Variants in SEMA3C observed in about 807,000 individuals in gnomAD.
SEMA3C encodes semaphorin 3C.
In SEMA3C, 47 loss-of-function variants were observed where a neutral mutation model predicts 89.4. That is an observed-to-expected ratio of 0.53 (90% CI 0.42 to 0.67). The LOEUF is 0.67. Ranked by LOEUF, SEMA3C falls within the 30% of genes least tolerant of loss-of-function variation. The probability of loss-of-function intolerance (pLI) is 0.00; values close to 1 mark genes in which losing one functional copy is unlikely to be tolerated. For synonymous variants in SEMA3C, 310 were observed against 320.2 expected, an observed-to-expected ratio of 0.97 and a Z score of 0.34; for missense variants, 839 against 929.1, an observed-to-expected ratio of 0.90 and a Z score of 1.26.
At position 80,827,419 on chromosome 7, in the gene SEMA3C, A is replaced by C. The variant is rs1379530833; in HGVS notation, c.327+6T>G. ...TTTTTTTTTTTTTTTTTTTTTTAAC[A>C]CTTACTGTGGGATCTTTGCCAGCCA... On this transcript the variant is annotated splice_donor_region_variant and intron_variant, in intron 4 of 17. Transcript: ENST00000265361. The C allele has an allele frequency of 2.0e-6, 3 of 1,492,134 alleles. No individual in the cohort carries two copies. Among genetic ancestry groups the C allele is most frequent in the Admixed American group, 2.4e-5 (1 of 42,020 alleles). 92.4% of individuals were successfully genotyped at this position (1,492,134 alleles called of 1,614,324 possible).
At chr7:80,834,184 C>T (rs939002383) in intron 2 of SEMA3C, among the ~76,000 whole-genome samples, 7 of 152,168 alleles carry the variant, frequency 4.6e-5, no homozygotes, top group African/African-American at 1.7e-4. Flanking sequence ...CTGGGAAAAT[C>T]TCCCAGGAAA....
chr7:80,902,955 T>C (rs538841159), intron 2 of SEMA3C, among the ~76,000 whole-genome samples: 1 of 152,176 alleles, frequency 6.6e-6, no homozygotes, highest in Non-Finnish European at 1.5e-5. Flanking sequence ...GGTAAGAGCA[T>C]AAGCCCGCTG....
chr7:80,821,676 G>A (rs888582533), intron 4 of SEMA3C, among the ~76,000 whole-genome samples: 1 of 151,362 alleles, frequency 6.6e-6, no homozygotes, highest in South Asian at 2.1e-4. Context: ...TAACTTTTTA[G>A]TTTTTGTAAC....
chr7:80,806,628 C>T (rs1297480730), intron 6 of SEMA3C, among the ~76,000 whole-genome samples: 1 of 151,934 alleles, frequency 6.6e-6, no homozygotes, highest in East Asian at 1.9e-4. Flanking sequence ...TTTGAAGATC[C>T]ATATTACTTT....
chr7:80,876,051 G>A (rs908467264), intron 2 of SEMA3C, among the ~76,000 whole-genome samples: 1 of 152,068 alleles, frequency 6.6e-6, no homozygotes, highest in East Asian at 1.9e-4. Context: ...TTTGTGGGTG[G>A]AAGATGTGAA....
At chr7:80,864,955 C>T (rs1398491228) in intron 2 of SEMA3C, among the ~76,000 whole-genome samples, 2 of 152,154 alleles carry the variant, frequency 1.3e-5, no homozygotes, top group African/African-American at 4.8e-5. Flanking sequence ...GTTTTTCCAG[C>T]TCTCCTCACA....
At chr7:80,832,835 T>C (rs1485037072) in intron 2 of SEMA3C, among the ~76,000 whole-genome samples, 1 of 152,160 alleles carries the variant, frequency 6.6e-6, no homozygotes, top group Non-Finnish European at 1.5e-5. Context: ...AAGAAATCCT[T>C]GCAGTTTTTA....
At chr7:80,813,656 A>G (rs957978535) in intron 5 of SEMA3C, among the ~76,000 whole-genome samples, 6 of 152,136 alleles carry the variant, frequency 3.9e-5, no homozygotes, top group African/African-American at 9.7e-5. Context: ...TCGTCTTTTT[A>G]GGCACCTTAG....
At chr7:80,792,999 T>C (rs1489558378) in intron 11 of SEMA3C, among the ~76,000 whole-genome samples, 1 of 152,236 alleles carries the variant, frequency 6.6e-6, no homozygotes, top group Non-Finnish European at 1.5e-5. Context: ...ATAACATCTA[T>C]GTGCTAACGT....
At chr7:80,791,060 G>T (rs890026476) in intron 11 of SEMA3C, among the ~76,000 whole-genome samples, 1 of 152,024 alleles carries the variant, frequency 6.6e-6, no homozygotes, top group African/African-American at 2.4e-5. Flanking sequence ...CTCAATTCTG[G>T]CCAGGAGGGA....
At chr7:80,883,641 A>G (rs1791404783) in intron 2 of SEMA3C, among the ~76,000 whole-genome samples, 1 of 152,196 alleles carries the variant, frequency 6.6e-6, no homozygotes, top group African/African-American at 2.4e-5. Flanking sequence ...TGACTCACCC[A>G]TGCTTCTTGC....
rs139888032 is a variant in SEMA3C at position 80,771,070 on chromosome 7, G to A, written c.1355-5827C>T. ...TTTTGTTTTAAGTAGTCTGAGTAAG[G>A]TGTGTGGTCACTTTCAGTTGAAAGA... On this transcript the variant is annotated intron_variant, in intron 12 of 17. Transcript: ENST00000265361. 2.9e-3 allele frequency among the ~76,000 whole-genome samples: 443 copies of A among 152,350 alleles called. 1 individual carries two copies. Among genetic ancestry groups the A allele is most frequent in the African/African-American group, 9.6e-3 (398 of 41,584 alleles).
intron 7 of SEMA3C, among the ~76,000 whole-genome samples, chr7:80,804,454 T>C (rs1789289464): frequency 6.6e-6 from 1 of 152,164 alleles, no homozygotes. Flanking sequence ...GCAGGAAATG[T>C]GAAAATTATT....
intron 2 of SEMA3C, among the ~76,000 whole-genome samples, chr7:80,905,424 T>C (rs1791991222): frequency 1.3e-5 from 2 of 151,882 alleles, no homozygotes; most frequent in African/African-American, 4.8e-5. Context: ...GGATTTAATT[T>C]GACGATTAGA....
At chr7:80,758,044 T>G (rs10233114) in intron 15 of SEMA3C, among the ~76,000 whole-genome samples, 9,967 of 152,202 alleles carry the variant, frequency 0.065, 649 homozygotes, top group African/African-American at 0.16. Flanking sequence ...AAATGCTACT[T>G]GAAATATTTG....
intron 2 of SEMA3C, among the ~76,000 whole-genome samples, chr7:80,872,402 C>G (rs1311593374): frequency 2.0e-5 from 3 of 152,132 alleles, no homozygotes; most frequent in African/African-American, 7.2e-5. Flanking sequence ...AACCATCCAC[C>G]TCAGCCTCCC....
At chr7:80,755,388 C>T (rs1788042349) in intron 15 of SEMA3C, among the ~76,000 whole-genome samples, 5 of 147,144 alleles carry the variant, frequency 3.4e-5, no homozygotes, top group Admixed American at 2.8e-4. Context: ...ATCTAGTATG[C>T]AATGACAGTC....
chr7:80,838,311 T>C (rs1355637339), intron 2 of SEMA3C, among the ~76,000 whole-genome samples: 2 of 152,142 alleles, frequency 1.3e-5, no homozygotes, highest in African/African-American at 4.8e-5. Context: ...AATGAGAATA[T>C]TTTGGAACCA....
intron 2 of SEMA3C, among the ~76,000 whole-genome samples, chr7:80,912,921 T>A (rs1792186093): frequency 1.3e-5 from 2 of 152,208 alleles, no homozygotes; most frequent in African/African-American, 2.4e-5. Context: ...CAATAACAAT[T>A]CATCAGCTTT....
Sources: allele counts gnomAD v4.1 joint callset (sites outside exome capture counted in the v4.1 genomes callset), GRCh38; gene constraint gnomAD v4.1.1; transcripts MANE v1.5; gene names NCBI Gene and HGNC (gene_info 2026-07-23, HGNC 2026-07-21).